VTI1B: variants seen among roughly 807,000 people sequenced by gnomAD.
VTI1B encodes the protein vesicle transport through interaction with t-SNAREs homolog 1B.
Under a neutral mutation model 28.6 loss-of-function variants are expected in VTI1B, and 18 were observed. That is an observed-to-expected ratio of 0.63 (90% confidence interval 0.43 to 0.93). The LOEUF is 0.93. VTI1B is among the 40% of genes least tolerant of loss of function. The pLI, the probability that VTI1B is intolerant of heterozygous loss-of-function variation, is 0.00. For missense variants in VTI1B, 283 were observed against 297.0 expected (o/e 0.95, Z 0.35); for synonymous variants, 100 against 107.9 (o/e 0.93, Z 0.46).
At chr14:67,674,332 C>A in intron 1 of VTI1B, 43 bp downstream of exon 1, 1 of 1,507,902 alleles carries the variant, frequency 6.6e-7, no homozygotes, top group African/African-American at 1.4e-5. Context: ...TTCCAAAGCG[C>A]GCAGGGCTGC....
Position 67,647,145 on chromosome 14 carries a change from A to T in VTI1B, c.*4240T>A, listed in dbSNP as rs760139055. The T allele has an allele frequency of 4.6e-5, 32 of 695,462 alleles. No homozygotes were observed. Among genetic ancestry groups the T allele is most frequent in the Non-Finnish European group, 7.1e-5 (30 of 422,890 alleles). 43.1% of individuals were successfully genotyped at this position (695,462 alleles called of 1,614,324 possible). A position where few individuals can be genotyped will look rare whatever the true frequency, so the allele number is the denominator to read the frequency against. On this transcript the variant is annotated 3_prime_UTR_variant, in exon 6 of 6. Coordinates refer to ENST00000554659, the MANE Select transcript of VTI1B (RefSeq NM_006370.3). ...AAGCAAAAACATACACATAATTTTAAATAGTTCAGAAAGGCAAAATTTGAA... is the reference window on the plus strand; with the variant it reads ...AAGCAAAAACATACACATAATTTTATATAGTTCAGAAAGGCAAAATTTGAA...
intron 3 of VTI1B, among the ~76,000 whole-genome samples, chr14:67,656,852 C>T (rs1473119416): frequency 6.6e-6 from 1 of 152,166 alleles, no homozygotes; most frequent in Non-Finnish European, 1.5e-5. Flanking sequence ...ATTAAAAATA[C>T]TGGAGCACTT....
At chr14:67,652,267 C>T (rs2140797628) in intron 5 of VTI1B, 1 of 152,426 alleles carries the variant, frequency 6.6e-6, no homozygotes, top group South Asian at 2.1e-4. Context: ...TAGTACAATT[C>T]AAATATTGTC....
intron 1 of VTI1B, among the ~76,000 whole-genome samples, chr14:67,674,069 G>A (rs1016200306): frequency 2.0e-5 from 3 of 152,188 alleles, no homozygotes; most frequent in African/African-American, 7.2e-5. Context: ...AAACAGCTAT[G>A]AAAGAAACCC....
chr14:67,655,028 CAAAAAA>C (rs34482334), intron 4 of VTI1B, among the ~76,000 whole-genome samples: 2 of 43,478 alleles, frequency 4.6e-5, no homozygotes, highest in South Asian at 1.0e-3. Context: ...GACTCCATCT[CAAAAAA>C]AAAAAAAAAA....
In VTI1B at chr14:67,648,303, T is replaced by A; in HGVS notation, c.*3082A>T. ...TTGCAGAGTTTGTTTTTGCTTAAAC[T>A]TTTGTAGCTAAAAATTATATGGCCA... On this transcript the variant is annotated 3_prime_UTR_variant, in exon 6 of 6. Coordinates refer to ENST00000554659, the MANE Select transcript of VTI1B (RefSeq NM_006370.3). 1.7e-6 allele frequency: 2 copies of A among 1,172,744 alleles called. No homozygotes were observed. Among genetic ancestry groups the A allele is most frequent in the Non-Finnish European group, 2.3e-6 (2 of 855,074 alleles). The allele number at this position is 1,172,744 out of a possible 1,614,324, so 72.6% of individuals were successfully genotyped here. A position where few individuals can be genotyped will look rare whatever the true frequency, so the allele number is the denominator to read the frequency against.
chr14:67,661,884 G>A (rs756074273), intron 2 of VTI1B, among the ~76,000 whole-genome samples: 2 of 152,084 alleles, frequency 1.3e-5, no homozygotes, highest in Non-Finnish European at 2.9e-5. Flanking sequence ...GGCCAGGCAC[G>A]GTGGCTCATG....
chr14:67,650,477 G>T lies in VTI1B; in HGVS notation c.*908C>A. 1 of 538,056 alleles carries T rather than the reference G, an allele frequency of 1.9e-6. No individual in the cohort carries two copies. The allele number at this position is 538,056 out of a possible 1,614,324, so 33.3% of individuals were successfully genotyped here. A position where few individuals can be genotyped will look rare whatever the true frequency, so the allele number is the denominator to read the frequency against. On this transcript the variant is annotated 3_prime_UTR_variant, in exon 6 of 6. Transcript: ENST00000554659. ...ATGCCTGTTATGTTAGTTGAACAGG[G>T]ATGGTTTATTTCATTATCTTAAAAG...
intron 4 of VTI1B, among the ~76,000 whole-genome samples, chr14:67,655,819 G>C (rs2037248160): frequency 6.6e-6 from 1 of 152,150 alleles, no homozygotes; most frequent in African/African-American, 2.4e-5. Flanking sequence ...ATTAATTTCT[G>C]TAATCTTGTA....
intron 4 of VTI1B, among the ~76,000 whole-genome samples, chr14:67,654,464 C>T (rs2037229136): frequency 6.6e-6 from 1 of 152,164 alleles, no homozygotes; most frequent in Non-Finnish European, 1.5e-5. Context: ...ACCAATCTAC[C>T]TGGTATGTTC....
intron 4 of VTI1B, among the ~76,000 whole-genome samples, chr14:67,654,103 G>C (rs893186772): frequency 6.6e-6 from 1 of 152,104 alleles, no homozygotes; most frequent in South Asian, 2.1e-4. Flanking sequence ...CTCTCAGCTC[G>C]TTCCTTGGCT....
intron 1 of VTI1B, among the ~76,000 whole-genome samples, chr14:67,664,892 T>C (rs981790272): frequency 3.3e-5 from 5 of 151,024 alleles, no homozygotes; most frequent in African/African-American, 1.2e-4. Flanking sequence ...TTTGAGACTG[T>C]GTCTCACTCT....
intron 1 of VTI1B, among the ~76,000 whole-genome samples, chr14:67,671,230 T>A (rs1476468802): frequency 2.0e-5 from 3 of 152,134 alleles, no homozygotes; most frequent in Admixed American, 1.3e-4. Flanking sequence ...TACCAGCAAC[T>A]TAGAGTATTT....
chr14:67,665,725 C>T (rs1427144648), intron 1 of VTI1B, among the ~76,000 whole-genome samples: 1 of 152,164 alleles, frequency 6.6e-6, no homozygotes, highest in East Asian at 1.9e-4. Context: ...GTGGCTACTG[C>T]CTGAAAGGGC....
intron 1 of VTI1B, among the ~76,000 whole-genome samples, chr14:67,665,329 C>A (rs2037388473): frequency 6.8e-6 from 1 of 147,088 alleles, no homozygotes; most frequent in Non-Finnish European, 1.5e-5. Flanking sequence ...CGGCTCACTG[C>A]AGCCTCGACC....
chr14:67,650,864 C>T lies in VTI1B; in HGVS notation c.*521G>A, dbSNP rs1176691930. 1 of 1,614,226 alleles carries T rather than the reference C, an allele frequency of 6.2e-7. No individual in the cohort carries two copies. Among genetic ancestry groups the T allele is most frequent in the South Asian group, 1.1e-5 (1 of 91,086 alleles). On this transcript the variant is annotated 3_prime_UTR_variant, in exon 6 of 6. Coordinates refer to ENST00000554659, the MANE Select transcript of VTI1B (RefSeq NM_006370.3). ...AGGAGGGCATATTGTCTATGACCAA[C>T]TTCCTACTCCCAGTTCACCAGATGA...
intron 4 of VTI1B, among the ~76,000 whole-genome samples, chr14:67,654,218 C>G (rs1327880498): frequency 1.3e-5 from 2 of 152,168 alleles, no homozygotes; most frequent in Non-Finnish European, 2.9e-5. Context: ...GCAATAACCC[C>G]ACATGTCCCC....
rs573237998 is a variant in VTI1B at position 67,652,884 on chromosome 14, C to A, written c.602+553G>T. ...TCTCGGCTCACTGCAACCTCCACCCCCCAGGTTCAAGCAATTCTGTCTCAG... is the reference window on the plus strand; with the variant it reads ...TCTCGGCTCACTGCAACCTCCACCCACCAGGTTCAAGCAATTCTGTCTCAG... On this transcript the variant is annotated intron_variant, in intron 5 of 5. Coordinates refer to ENST00000554659, the MANE Select transcript of VTI1B (RefSeq NM_006370.3). Among the ~76,000 whole-genome samples, 191 of 152,296 alleles carry A rather than the reference C, an allele frequency of 1.3e-3. 1 individual carries two copies. Among genetic ancestry groups the A allele is most frequent in the African/African-American group, 4.3e-3 (178 of 41,562 alleles).
Position 67,650,913 on chromosome 14 carries a change from G to C in VTI1B, c.*472C>G. ...GAATCAGAAAATCAAGCACGTGTGAGAATTTAGGAGACACTGTGCACTGAC... is the reference window on the plus strand; with the variant it reads ...GAATCAGAAAATCAAGCACGTGTGACAATTTAGGAGACACTGTGCACTGAC... On this transcript the variant is annotated 3_prime_UTR_variant, in exon 6 of 6. Coordinates refer to ENST00000554659, the MANE Select transcript of VTI1B (RefSeq NM_006370.3). 1.2e-6 allele frequency: 2 copies of C among 1,613,846 alleles called. No homozygotes were observed. The highest frequency in any genetic ancestry group is 1.6e-4 in the Middle Eastern group (1 of 6,062).
Sources: allele counts gnomAD v4.1 joint callset (sites outside exome capture counted in the v4.1 genomes callset), GRCh38; gene constraint gnomAD v4.1.1; transcripts MANE v1.5; gene names NCBI Gene and HGNC (gene_info 2026-07-23, HGNC 2026-07-21).